KLHL8: variants seen among roughly 807,000 people sequenced by gnomAD.
The protein encoded by KLHL8 is kelch like family member 8.
Under a neutral mutation model 63.5 loss-of-function variants are expected in KLHL8, and 38 were observed. That is an observed-to-expected ratio of 0.60 (90% CI 0.46 to 0.78). The LOEUF is 0.78. Ranked by LOEUF, KLHL8 falls within the 30% of genes least tolerant of loss-of-function variation. The pLI, the probability that KLHL8 is intolerant of heterozygous loss-of-function variation, is 0.00. For synonymous variants in KLHL8, 224 were observed against 254.3 expected (o/e 0.88, Z 1.13); for missense variants, 566 against 752.4 (o/e 0.75, Z 2.90).
At chr4:87,165,864 C>A (rs62306544) in intron 8 of KLHL8, among the ~76,000 whole-genome samples, 168 of 152,214 alleles carry the variant, frequency 1.1e-3, no homozygotes, top group African/African-American at 3.8e-3. Flanking sequence ...TTTTCTTATT[C>A]AAATCAGTTG....
At chr4:87,165,686 G>A (rs1361589175) in intron 8 of KLHL8, among the ~76,000 whole-genome samples, 1 of 151,892 alleles carries the variant, frequency 6.6e-6, no homozygotes, top group Non-Finnish European at 1.5e-5. Context: ...GGTAATCCCT[G>A]CACCTGGCCA....
At chr4:87,186,220 GT>G (rs1245733394) in intron 2 of KLHL8, among the ~76,000 whole-genome samples, 1 of 151,708 alleles carries the variant, frequency 6.6e-6, no homozygotes, top group Non-Finnish European at 1.5e-5. Flanking sequence ...TGTGGGTTTT[GT>G]TTTTTCAGTA....
upstream of KLHL8, among the ~76,000 whole-genome samples, chr4:87,222,510 A>G (rs919826121): frequency 6.6e-6 from 1 of 152,218 alleles, no homozygotes; most frequent in African/African-American, 2.4e-5. Context: ...GAACCTTCCA[A>G]GGGAAAAGGG....
At chr4:87,193,079 AT>A (rs1037368582) in intron 2 of KLHL8, among the ~76,000 whole-genome samples, 12 of 152,174 alleles carry the variant, frequency 7.9e-5, no homozygotes, top group African/African-American at 2.9e-4. Flanking sequence ...ATTAAAAAAA[AT>A]ATTTTTCTTT....
intron 1 of KLHL8, among the ~76,000 whole-genome samples, chr4:87,234,415 C>T (rs983581977): frequency 5.5e-5 from 8 of 146,006 alleles, no homozygotes; most frequent in African/African-American, 2.1e-4. Flanking sequence ...CTCAGCCTGG[C>T]AACAGAGTGA....
intron 1 of KLHL8, among the ~76,000 whole-genome samples, chr4:87,198,608 A>G (rs1267939385): frequency 1.3e-5 from 2 of 152,180 alleles, no homozygotes; most frequent in Non-Finnish European, 2.9e-5. Flanking sequence ...TGACAAAATT[A>G]TAGAGGTGGA....
chr4:87,225,936 C>T (rs555212099), intron 1 of KLHL8, among the ~76,000 whole-genome samples: 2 of 152,148 alleles, frequency 1.3e-5, no homozygotes, highest in East Asian at 3.9e-4. Flanking sequence ...TCCCATGAAC[C>T]TGCCTAGATA....
At chr4:87,224,580 C>A (rs1300900542), upstream of KLHL8, among the ~76,000 whole-genome samples, 1 of 152,212 alleles carries the variant, frequency 6.6e-6, no homozygotes, top group Non-Finnish European at 1.5e-5. Flanking sequence ...AGCAAGACCA[C>A]TATCTTCCTG....
intron 1 of KLHL8, chr4:87,208,077 G>A: frequency 5.2e-6 from 3 of 574,496 alleles, no homozygotes; most frequent in South Asian, 1.5e-5. Flanking sequence ...TGGCCCACAT[G>A]GCCTCCAAAA....
At chr4:87,236,552 G>A (rs972771352) in intron 1 of KLHL8, among the ~76,000 whole-genome samples, 2 of 151,732 alleles carry the variant, frequency 1.3e-5, no homozygotes, top group Non-Finnish European at 2.9e-5. Context: ...GCAACCTCAA[G>A]GAAGGGCATA....
intron 1 of KLHL8, among the ~76,000 whole-genome samples, chr4:87,212,414 G>A (rs932948730): frequency 2.6e-5 from 4 of 151,896 alleles, no homozygotes; most frequent in African/African-American, 7.3e-5. Flanking sequence ...AGCCAGTCTC[G>A]ACAAAAGATC....
chr4:87,169,982 C>G, intron 8 of KLHL8, 97 bp downstream of exon 8: 1 of 923,688 alleles, frequency 1.1e-6, no homozygotes, highest in Non-Finnish European at 1.6e-6. Flanking sequence ...AGGACCGATT[C>G]TACTTAAGGC....
rs1173239739 is a variant in KLHL8, at chr4:87,161,745, G to A, written c.*1774C>T. Reference sequence around the variant, plus strand: ...GCCAGTTGTCACCAGTCTAGTAAGTGCTACAGGGTTAACTGCCTCTGGACT... The same window carrying A: ...GCCAGTTGTCACCAGTCTAGTAAGTACTACAGGGTTAACTGCCTCTGGACT... On this transcript the variant is annotated 3_prime_UTR_variant, in exon 10 of 10. Transcript: ENST00000273963. 1 of 152,126 alleles carries A rather than the reference G, an allele frequency of 6.6e-6. No individual in the cohort carries two copies. Among genetic ancestry groups the A allele is most frequent in the Non-Finnish European group, 1.5e-5 (1 of 68,038 alleles). The allele number at this position is 152,126 out of a possible 1,614,324, so 9.4% of individuals were successfully genotyped here. A position where few individuals can be genotyped will look rare whatever the true frequency, so the allele number is the denominator to read the frequency against.
rs546478683 is a variant in KLHL8, at chr4:87,160,501, T to A, written c.*3018A>T. On this transcript the variant is annotated 3_prime_UTR_variant, in exon 10 of 10. Coordinates refer to ENST00000273963, the MANE Select transcript of KLHL8 (RefSeq NM_020803.5). ...AGTTTATGCAATTTCAAGAAGTCCTTACCAAGGCATTCAACAGCACTGTAA... is the reference window on the plus strand; with the variant it reads ...AGTTTATGCAATTTCAAGAAGTCCTAACCAAGGCATTCAACAGCACTGTAA... The A allele has an allele frequency of 1.3e-5, 2 of 152,304 alleles. No individual in the cohort carries two copies. The highest frequency in any genetic ancestry group is 2.1e-4 in the South Asian group (1 of 4,832). The allele number at this position is 152,304 out of a possible 1,614,324, so 9.4% of individuals were successfully genotyped here. A position where few individuals can be genotyped will look rare whatever the true frequency, so the allele number is the denominator to read the frequency against.
At chr4:87,176,732 A>G in intron 6 of KLHL8, 25 bp downstream of exon 6, 1 of 1,323,454 alleles carries the variant, frequency 7.6e-7, no homozygotes, top group Non-Finnish European at 1.1e-6. Context: ...CCATCAGTTC[A>G]AAATAACTTT....
chr4:87,233,435 G>A (rs1161384015), intron 1 of KLHL8, among the ~76,000 whole-genome samples: 1 of 152,100 alleles, frequency 6.6e-6, no homozygotes, highest in Non-Finnish European at 1.5e-5. Context: ...TTAGCTGGGC[G>A]TTGTGGCACG....
intron 3 of KLHL8, 34 bp from the exon 4 acceptor site, chr4:87,183,423 T>C (rs753122637): frequency 6.9e-7 from 1 of 1,443,714 alleles, no homozygotes; most frequent in Admixed American, 2.2e-5. Flanking sequence ...ACAACAAATT[T>C]TATATTTTCT....
chr4:87,188,695 T>C (rs1487812004), intron 2 of KLHL8, among the ~76,000 whole-genome samples: 1 of 152,192 alleles, frequency 6.6e-6, no homozygotes, highest in Non-Finnish European at 1.5e-5. Context: ...AAAGTTTATT[T>C]GTACATTTTC....
intron 1 of KLHL8, among the ~76,000 whole-genome samples, chr4:87,236,663 CTTTTT>C (rs34454982): frequency 1.8e-5 from 2 of 110,428 alleles, no homozygotes; most frequent in Non-Finnish European, 1.7e-5. Context: ...TGTACTGTGT[CTTTTT>C]TTTTTTTTTT....
Sources: gnomAD v4.1 joint callset for allele counts (sites outside exome capture counted in the v4.1 genomes callset) on GRCh38, gnomAD v4.1.1 for gene constraint, MANE v1.5 for transcripts, NCBI Gene and HGNC (gene_info 2026-07-23, HGNC 2026-07-21) for gene names.